GXYLT1: variants seen among roughly 807,000 people sequenced by gnomAD.
GXYLT1 encodes glycosyltransferase 8 domain containing 3.
Under a neutral mutation model 54.0 loss-of-function variants are expected in GXYLT1, and 29 were observed. The observed-to-expected ratio is 0.54, with a 90% CI of 0.40 to 0.73. GXYLT1 has a LOEUF of 0.73. GXYLT1 is among the 30% of genes least tolerant of loss of function. GXYLT1 has a pLI of 0.00. For missense variants in GXYLT1, 490 were observed against 553.4 expected (o/e 0.89, Z 1.15); for synonymous variants, 176 against 204.1 (o/e 0.86, Z 1.17).
At chr12:42,098,782 T>TATATATATATAA (rs1374482799) in intron 5 of GXYLT1, among the ~76,000 whole-genome samples, 2 of 138,246 alleles carry the variant, frequency 1.4e-5, no homozygotes, top group Non-Finnish European at 3.1e-5. Flanking sequence ...TATATATATA[T>TATATATATATAA]ATAATACATG....
At chr12:42,144,065 CAACTTG>C (rs1379030514) in intron 1 of GXYLT1, among the ~76,000 whole-genome samples, 6 of 152,204 alleles carry the variant, frequency 3.9e-5, no homozygotes, top group African/African-American at 1.4e-4. Flanking sequence ...TTAAATATCT[CAACTTG>C]AACTCCACTG....
intron 7 of GXYLT1, among the ~76,000 whole-genome samples, chr12:42,091,856 C>T (rs56142563): frequency 0.14 from 21,655 of 152,158 alleles, 1,674 homozygotes; most frequent in Non-Finnish European, 0.18. Flanking sequence ...CCTCCACATC[C>T]ACTTCATTTC....
intron 7 of GXYLT1, among the ~76,000 whole-genome samples, chr12:42,092,105 A>G (rs1016383427): frequency 1.3e-5 from 2 of 152,214 alleles, no homozygotes; most frequent in Non-Finnish European, 2.9e-5. Flanking sequence ...ACAGTTCTAG[A>G]ACAATCTCTG....
At chr12:42,135,147 T>C (rs867159279) in intron 1 of GXYLT1, among the ~76,000 whole-genome samples, 15 of 152,224 alleles carry the variant, frequency 9.9e-5, no homozygotes, top group Non-Finnish European at 1.8e-4. Context: ...GGCATCAAAG[T>C]AGAAGCTTCA....
chr12:42,140,129 T>A (rs1430084401), intron 1 of GXYLT1, among the ~76,000 whole-genome samples: 3 of 123,236 alleles, frequency 2.4e-5, no homozygotes, highest in Non-Finnish European at 4.7e-5. Flanking sequence ...TGCAGTGAGC[T>A]GAGATCGCAC....
At chr12:42,092,067 C>T (rs1310453295) in intron 7 of GXYLT1, among the ~76,000 whole-genome samples, 1 of 152,062 alleles carries the variant, frequency 6.6e-6, no homozygotes, top group Non-Finnish European at 1.5e-5. Flanking sequence ...TTCCCTGGCC[C>T]TTCAAGGCAA....
At chr12:42,132,593 G>A (rs540721425) in intron 1 of GXYLT1, among the ~76,000 whole-genome samples, 2 of 152,228 alleles carry the variant, frequency 1.3e-5, no homozygotes, top group East Asian at 3.9e-4. Context: ...AAGTTAACGT[G>A]TATGTTGCCA....
chr12:42,127,408 T>C (rs1268938742), intron 2 of GXYLT1, among the ~76,000 whole-genome samples: 1 of 152,154 alleles, frequency 6.6e-6, no homozygotes. Context: ...GTAGAAAGTA[T>C]AACAGAGGAA....
chr12:42,113,744 C>T (rs1189257614), intron 3 of GXYLT1, among the ~76,000 whole-genome samples: 1 of 150,862 alleles, frequency 6.6e-6, no homozygotes, highest in Non-Finnish European at 1.5e-5. Flanking sequence ...AACAAGGATA[C>T]CCAGGAATTG....
At chr12:42,097,683 C>G (rs909385207) in intron 6 of GXYLT1, 69 bp from the exon 7 acceptor site, 2 of 1,377,752 alleles carry the variant, frequency 1.5e-6, no homozygotes, top group Admixed American at 2.3e-5. Context: ...TTATGCAAAA[C>G]TTTCAGTTAA....
chr12:42,134,040 T>TA (rs927138609), intron 1 of GXYLT1, among the ~76,000 whole-genome samples: 9 of 148,290 alleles, frequency 6.1e-5, no homozygotes, highest in South Asian at 4.3e-4. Flanking sequence ...CTACAAAGAA[T>TA]AAAAAAAAAA....
rs373214719 is a variant in GXYLT1, at chr12:42,137,762, G to GGAAAAA, written c.221+6663_221+6664insTTTTTC. ...ACAGAGCGAGACTCCATCTCAAATT[G>GGAAAAA]AAAAAAAAAAAAAAAAGTCAGTGAT... On this transcript the variant is annotated intron_variant, in intron 1 of 7. Transcript: ENST00000398675. Among the ~76,000 whole-genome samples the GGAAAAA allele has an allele frequency of 8.1e-4, 87 of 107,190 alleles. 3 individuals are homozygous for GGAAAAA. The highest frequency in any genetic ancestry group is 1.2e-3 in the Non-Finnish European group (71 of 57,470). The allele number at this position is 107,190 out of a possible 152,430, so 70.3% of individuals were successfully genotyped here.
At chr12:42,130,127 A>C (rs891011219) in intron 1 of GXYLT1, among the ~76,000 whole-genome samples, 1 of 152,196 alleles carries the variant, frequency 6.6e-6, no homozygotes, top group Non-Finnish European at 1.5e-5. Flanking sequence ...TCCCCTCCTC[A>C]GATAACACAG....
chr12:42,119,943 C>T (rs556919096), intron 2 of GXYLT1, among the ~76,000 whole-genome samples: 2 of 152,260 alleles, frequency 1.3e-5, no homozygotes, highest in South Asian at 2.1e-4. Context: ...AACTACAGAA[C>T]ACACAAAAAA....
intron 1 of GXYLT1, 45 bp downstream of exon 1, chr12:42,144,381 G>GCGCCCCGCGCCCGC: frequency 7.8e-7 from 1 of 1,285,008 alleles, no homozygotes; most frequent in East Asian, 3.7e-5. Flanking sequence ...CCCGCGCCCA[G>GCGCCCCGCGCCCGC]CGCCCCGCGC....
rs764900425 is a variant in GXYLT1 at position 42,087,810 on chromosome 12, A to G, written c.1299T>C (p.Tyr433=). 1.3e-5 allele frequency: 21 copies of G among 1,605,396 alleles called. No individual in the cohort carries two copies. The highest frequency in any genetic ancestry group is 6.7e-5 in the East Asian group (3 of 44,662). ...ATCACTTTTCCTTTGGTGATCTGGCATAACGATCTCTTACACTTTTTGCTA... is the reference window on the plus strand; with the variant it reads ...ATCACTTTTCCTTTGGTGATCTGGCGTAACGATCTCTTACACTTTTTGCTA... ...KQLAKSVRDR[Y]ARSPKEK The change falls in exon 8 of 8, where the codon TAT becomes TAC. Residue 433 remains tyrosine, a synonymous_variant. Transcript: ENST00000398675.
At chr12:42,131,453 C>T (rs2065593576) in intron 1 of GXYLT1, among the ~76,000 whole-genome samples, 1 of 152,226 alleles carries the variant, frequency 6.6e-6, no homozygotes, top group Non-Finnish European at 1.5e-5. Flanking sequence ...AAATCAGAAT[C>T]TCTAGAAACG....
chr12:42,138,215 C>T (rs1434694095), intron 1 of GXYLT1, among the ~76,000 whole-genome samples: 3 of 152,164 alleles, frequency 2.0e-5, no homozygotes, highest in South Asian at 2.1e-4. Context: ...TGTAGTGAGC[C>T]GAGAGAGTGC....
At chr12:42,137,976 A>G (rs559766028) in intron 1 of GXYLT1, among the ~76,000 whole-genome samples, 30 of 152,228 alleles carry the variant, frequency 2.0e-4, no homozygotes, top group African/African-American at 6.7e-4. Flanking sequence ...TTTCAACTAA[A>G]TTGTTTCCAA....
Sources: gnomAD v4.1 joint callset for allele counts (sites outside exome capture counted in the v4.1 genomes callset) on GRCh38, gnomAD v4.1.1 for gene constraint, MANE v1.5 for transcripts, NCBI Gene and HGNC (gene_info 2026-07-23, HGNC 2026-07-21) for gene names.